BRF2: variants seen among roughly 807,000 people sequenced by gnomAD.
The protein encoded by BRF2 is BRF2 general transcription factor IIIB subunit.
A neutral mutation model predicts 26.6 loss-of-function variants in BRF2; 17 were observed. The ratio of observed to expected loss-of-function variants is 0.64; its 90% CI spans 0.44 to 0.96. The LOEUF is 0.96. Ranked by LOEUF, BRF2 falls within the 40% of genes least tolerant of loss-of-function variation. BRF2 has a pLI of 0.00. For synonymous variants in BRF2, 219 were observed against 226.6 expected (o/e 0.97, Z 0.30); for missense variants, 515 against 537.0 (o/e 0.96, Z 0.40).
intron 1 of BRF2, 93 bp downstream of exon 1, chr8:37,849,537 G>T: frequency 1.9e-6 from 2 of 1,032,460 alleles, no homozygotes; most frequent in East Asian, 2.5e-5. Flanking sequence ...AAGTGTGTGC[G>T]TTACAGTTAG....
chr8:37,844,661 C>A lies in BRF2; in HGVS notation c.1089G>T (p.Leu363Phe), dbSNP rs1158017798. The change falls in exon 4 of 4, where the codon TTG (leucine) becomes TTT (phenylalanine). Residue 363 changes from leucine to phenylalanine, a missense_variant. Leu to Phe is a conservative substitution (Grantham distance 22). Transcript: ENST00000220659. ...SPALLLPPCM[L>F]KSPKRICPVP... is the part of the protein sequence containing the mutation. ...CAGGGCAGATCCGCTTCGGGGACTT[C>A]AACATGCAGGGTGGCAAGAGAAGGG... 1.2e-6 allele frequency: 2 copies of A among 1,614,148 alleles called. No homozygotes were observed. The highest frequency in any genetic ancestry group is 1.7e-6 in the Non-Finnish European group (2 of 1,180,030).
At chr8:37,845,323 C>G (rs959639069) in intron 3 of BRF2, 110 bp from the exon 4 acceptor site, 2 of 823,354 alleles carry the variant, frequency 2.4e-6, no homozygotes, top group Non-Finnish European at 4.0e-6. Context: ...CTCAGGAATA[C>G]TCAAGCTCAC....
chr8:37,848,079 A>T (rs1449214665), intron 2 of BRF2, among the ~76,000 whole-genome samples: 1 of 150,442 alleles, frequency 6.6e-6, no homozygotes, highest in Non-Finnish European at 1.5e-5. Flanking sequence ...CCTCCCGAGT[A>T]GCTGGGACTA....
In BRF2 at chr8:37,849,685, G is replaced by A. The variant is rs772505472; in HGVS notation, c.99C>T (p.Cys33=). Residue 33 remains cysteine (C), a synonymous_variant, in exon 1 of 4, where the codon TGC becomes TGT. Coordinates refer to ENST00000220659, the MANE Select transcript of BRF2 (RefSeq NM_018310.4). ...QSQLVCSDCG[C]VVTEGVLTTT... is the part of the protein sequence containing the mutation. The stretch of plus-strand genomic sequence containing the variant: ...TGGTAAGGACCCCCTCGGTGACCAC[G>A]CAGCCGCAGTCGGAGCACACCAGCT... 1.3e-5 allele frequency: 21 copies of A among 1,613,386 alleles called. No individual in the cohort carries two copies. Among genetic ancestry groups the A allele is most frequent in the Non-Finnish European group, 1.7e-5 (20 of 1,179,814 alleles).
In BRF2 at chr8:37,846,702, G is replaced by A. The variant is rs891269634; in HGVS notation, c.536+152C>T. On this transcript the variant is annotated intron_variant, in intron 3 of 3. Transcript: ENST00000220659. ...GAATAGCTTGAACCCCGGAGGCGGAGGTTGCAGTGAGCTGAGATCGTGCCA... is the reference window on the plus strand; with the variant it reads ...GAATAGCTTGAACCCCGGAGGCGGAAGTTGCAGTGAGCTGAGATCGTGCCA... The A allele has an allele frequency of 7.5e-6, 5 of 663,176 alleles. No individual in the cohort carries two copies. In the Admixed American group the frequency reaches 1.2e-4, roughly 16 times the overall value. 41.1% of individuals were successfully genotyped at this position (663,176 alleles called of 1,614,324 possible).
In BRF2 at chr8:37,849,658, A is replaced by AC; in HGVS notation, c.125_126insG (p.Thr43TyrfsTer24). ...GGAGATTGCCCTCGTCGCTGAAGGT[A>AC]GTGGTAAGGACCCCCTCGGTGACCA... On this transcript the variant is annotated frameshift_variant, in exon 1 of 4. Transcript: ENST00000220659. LOFTEE classifies it high-confidence loss of function. 6.2e-7 allele frequency: 1 copy of AC among 1,613,476 alleles called. No homozygotes were observed. The highest frequency in any genetic ancestry group is 2.2e-5 in the East Asian group (1 of 44,838).
chr8:37,848,607 C>A lies in BRF2; in HGVS notation c.203G>T (p.Ser68Ile). ...AGGTCAATTCTCACCTCGTTGCTGGCTGCGACTAACTTGTTCGTTTTCCCC... is the reference window on the plus strand; with the variant it reads ...AGGTCAATTCTCACCTCGTTGCTGGATGCGACTAACTTGTTCGTTTTCCCC... ...STGENEQVSR[S>I]QQRGLRRVRD... Residue 68 changes from serine (S) to isoleucine (I), a missense_variant, in exon 2 of 4, where the codon AGC becomes ATC. Physicochemically the swap from Ser to Ile is moderately radical, Grantham distance 142. Coordinates refer to ENST00000220659, the MANE Select transcript of BRF2 (RefSeq NM_018310.4). 1 of 1,614,174 alleles carries A rather than the reference C, an allele frequency of 6.2e-7. No homozygotes were observed. Among genetic ancestry groups the A allele is most frequent in the Non-Finnish European group, 8.5e-7 (1 of 1,180,000 alleles).
chr8:37,848,310 G>A (rs534827874), intron 2 of BRF2, among the ~76,000 whole-genome samples: 5 of 151,218 alleles, frequency 3.3e-5, no homozygotes, highest in Admixed American at 6.6e-5. Flanking sequence ...GCAGTGGCGC[G>A]ATCTCAGCTC....
At chr8:37,845,918 G>A (rs1011486343) in intron 3 of BRF2, 43 of 573,242 alleles carry the variant, frequency 7.5e-5, no homozygotes, top group Non-Finnish European at 1.2e-4. Flanking sequence ...CAAAGCCCAT[G>A]GCACAGCACA....
Position 37,848,642 on chromosome 8 carries a change from G to A in BRF2, c.168C>T (p.Ser56=), listed in dbSNP as rs1806009293. ...DEGNLREVTY[S]RSTGENEQVS... ...CTTGTTCGTTTTCCCCTGTGCTTCG[G>A]GAATATGTTACCTCTGTAAGATAAT... Residue 56 remains serine, a synonymous_variant, in exon 2 of 4, where the codon TCC becomes TCT. Coordinates refer to ENST00000220659, the MANE Select transcript of BRF2 (RefSeq NM_018310.4). The A allele has an allele frequency of 6.2e-7, 1 of 1,613,956 alleles. No individual in the cohort carries two copies. Among genetic ancestry groups the A allele is most frequent in the East Asian group, 2.2e-5 (1 of 44,884 alleles).
chr8:37,844,809 T>C lies in BRF2; in HGVS notation c.941A>G (p.Asp314Gly), dbSNP rs1461981143. Residue 314 changes from aspartate to glycine, a missense_variant, in exon 4 of 4, where the codon GAT becomes GGT. Asp to Gly is a moderately conservative substitution (Grantham distance 94). Coordinates refer to ENST00000220659, the MANE Select transcript of BRF2 (RefSeq NM_018310.4). Reference sequence around the variant, plus strand: ...TCGGGTCTCCACTTCTGCTGTCCCATCCCGAAAGGCAGAGCGGACCAGTGA... The same window carrying C: ...TCGGGTCTCCACTTCTGCTGTCCCACCCCGAAAGGCAGAGCGGACCAGTGA... ...RQSLVRSAFR[D>G]GTAEVETREK... 2.5e-6 allele frequency: 4 copies of C among 1,614,008 alleles called. No individual in the cohort carries two copies. Among genetic ancestry groups the C allele is most frequent in the Non-Finnish European group, 3.4e-6 (4 of 1,180,008 alleles).
intron 2 of BRF2, 54 bp downstream of exon 2, chr8:37,848,542 T>G: frequency 6.5e-7 from 1 of 1,542,798 alleles, no homozygotes; most frequent in South Asian, 1.1e-5. Context: ...CCACAGCACC[T>G]GGCCTAGGAT....
rs1585414227 is a variant in BRF2 at position 37,843,812 on chromosome 8, G to C, written c.*678C>G. The C allele has an allele frequency of 6.5e-6, 1 of 152,698 alleles. No homozygotes were observed. Among genetic ancestry groups the C allele is most frequent in the Non-Finnish European group, 1.5e-5 (1 of 68,134 alleles). 9.5% of individuals were successfully genotyped at this position (152,698 alleles called of 1,614,324 possible). A position where few individuals can be genotyped will look rare whatever the true frequency, so the allele number is the denominator to read the frequency against. ...GTTTACACACCCTGCCAATGCCTTA[G>C]CACTGGAGAGCTTTTTGCAATATGC... On this transcript the variant is annotated 3_prime_UTR_variant, in exon 4 of 4. Coordinates refer to ENST00000220659, the MANE Select transcript of BRF2 (RefSeq NM_018310.4).
Position 37,844,498 on chromosome 8 carries a change from G to T in BRF2, c.1252C>A (p.Pro418Thr). The change falls in exon 4 of 4, where the codon CCT (proline) becomes ACT (threonine). Residue 418 changes from proline (P) to threonine (T), a missense_variant. Physicochemically the swap from Pro to Thr is conservative, Grantham distance 38. Coordinates refer to ENST00000220659, the MANE Select transcript of BRF2 (RefSeq NM_018310.4). ...CTCCCAGTGGATATCCATCAGGGAG[G>T]GTTAGGGACACTCGTGGCAGCCTGT... ...ARQAATSVPN[P>T]P is the part of the protein sequence containing the mutation. 6.2e-7 allele frequency: 1 copy of T among 1,612,750 alleles called. No individual in the cohort carries two copies. Among genetic ancestry groups the T allele is most frequent in the Non-Finnish European group, 8.5e-7 (1 of 1,179,848 alleles).
chr8:37,849,192 G>A (rs1402766822), intron 1 of BRF2, among the ~76,000 whole-genome samples: 3 of 152,204 alleles, frequency 2.0e-5, no homozygotes, highest in Non-Finnish European at 4.4e-5. Flanking sequence ...CCAAAGCACT[G>A]GGATTACAGG....
chr8:37,848,617 CT>C lies in BRF2; in HGVS notation c.192del (p.Val65LeufsTer12), dbSNP rs1331218382. The C allele has an allele frequency of 6.2e-7, 1 of 1,614,188 alleles. No individual in the cohort carries two copies. The highest frequency in any genetic ancestry group is 1.1e-5 in the South Asian group (1 of 91,084). On this transcript the variant is annotated frameshift_variant, in exon 2 of 4. Coordinates refer to ENST00000220659, the MANE Select transcript of BRF2 (RefSeq NM_018310.4). LOFTEE classifies it high-confidence loss of function. ...TCACCTCGTTGCTGGCTGCGACTAA[CT>C]TGTTCGTTTTCCCCTGTGCTTCGGG... Reference protein sequence around the residue: ...TYSRSTGENEQVSRSQQRGLR... With the variant: ...TYSRSTGENEXVSRSQQRGLR...
chr8:37,845,358 T>C, intron 3 of BRF2, 145 bp from the exon 4 acceptor site: 1 of 705,522 alleles, frequency 1.4e-6, no homozygotes, highest in South Asian at 1.7e-5. Context: ...ATAAAGGTAG[T>C]GAGAGAAAAC....
In BRF2 at chr8:37,844,630, G is replaced by T. The variant is rs768725967; in HGVS notation, c.1120C>A (p.Pro374Thr). Residue 374 changes from proline (P) to threonine (T), a missense_variant, in exon 4 of 4, where the codon CCT (proline) becomes ACT (threonine). Physicochemically the swap from Pro to Thr is conservative, Grantham distance 38 (BLOSUM62 -1). Transcript: ENST00000220659. ...TCATCTCCAGTGACAGTGGAGACAG[G>T]GGGTACAGGGCAGATCCGCTTCGGG... ...KSPKRICPVP[P>T]VSTVTGDENI... The T allele has an allele frequency of 4.3e-6, 7 of 1,614,060 alleles. No individual in the cohort carries two copies. Among genetic ancestry groups the T allele is most frequent in the Non-Finnish European group, 5.9e-6 (7 of 1,180,012 alleles).
chr8:37,847,527 T>C lies in BRF2; in HGVS notation c.215-352A>G, dbSNP rs187486748. Reference sequence around the variant, plus strand: ...TCTCTCAGAACCATCCCTATTTGTTTTATTTATTTTATTATTTTCTGAGAC... The same window carrying C: ...TCTCTCAGAACCATCCCTATTTGTTCTATTTATTTTATTATTTTCTGAGAC... On this transcript the variant is annotated intron_variant, in intron 2 of 3. Coordinates refer to ENST00000220659, the MANE Select transcript of BRF2 (RefSeq NM_018310.4). Among the ~76,000 whole-genome samples the C allele has an allele frequency of 6.0e-4, 92 of 152,294 alleles. 3 individuals are homozygous for C. The East Asian group carries it at 0.017, about 28-fold the overall frequency.
Sources: allele counts gnomAD v4.1 joint callset (sites outside exome capture counted in the v4.1 genomes callset), GRCh38; gene constraint gnomAD v4.1.1; transcripts MANE v1.5; gene names NCBI Gene and HGNC (gene_info 2026-07-23, HGNC 2026-07-21).